Variants in GRM7 observed in about 807,000 individuals in gnomAD.
GRM7 encodes glutamate metabotropic receptor 7.
A neutral mutation model predicts 84.5 loss-of-function variants in GRM7; 35 were observed. The observed-to-expected ratio is 0.41, with a 90% CI of 0.32 to 0.55. The LOEUF (loss-of-function observed/expected upper bound fraction) is 0.55, where lower values mean the gene tolerates loss of function less well. Among genes scored for constraint, GRM7 ranks in the 20% least tolerant of loss-of-function variants. GRM7 has a pLI of 0.19. For missense variants in GRM7, 1,003 were observed against 1,194.6 expected (o/e 0.84, Z 2.36); for synonymous variants, 487 against 455.1 (o/e 1.07, Z -0.89).
In GRM7 at chr3:7,305,620, A is replaced by ATTTTGGT. The variant is rs1700167612; in HGVS notation, c.879-878_879-877insTTTTGGT. 5.0e-4 allele frequency among the ~76,000 whole-genome samples: 23 copies of ATTTTGGT among 45,640 alleles called. 7 individuals carry two copies. The highest frequency in any genetic ancestry group is 0.018 in the Middle Eastern group (1 of 56). The allele number at this position is 45,640 out of a possible 152,430, so 29.9% of individuals were successfully genotyped here. A position where few individuals can be genotyped will look rare whatever the true frequency, so the allele number is the denominator to read the frequency against. ...GTGTTTGGTTTTTTGTTCTTGCGAT[A>ATTTTGGT]GTTTACTGAGAATGATTTTTTTCTT... is the stretch of plus-strand genomic sequence containing the variant. On this transcript the variant is annotated intron_variant, in intron 3 of 9. Transcript: ENST00000357716.
intron 2 of GRM7, among the ~76,000 whole-genome samples, chr3:7,218,221 A>G (rs1696679476): frequency 6.6e-6 from 1 of 152,150 alleles, no homozygotes; most frequent in Admixed American, 6.5e-5. Context: ...TTTGAAAGTT[A>G]CTATAAAAAG....
At chr3:7,242,261 A>C (rs889930790) in intron 2 of GRM7, among the ~76,000 whole-genome samples, 3 of 152,196 alleles carry the variant, frequency 2.0e-5, no homozygotes, top group Non-Finnish European at 2.9e-5. Context: ...ATGGATTCAT[A>C]ATACGGGATT....
chr3:7,119,729 A>T (rs1421854114), intron 1 of GRM7, among the ~76,000 whole-genome samples: 1 of 152,148 alleles, frequency 6.6e-6, no homozygotes, highest in Non-Finnish European at 1.5e-5. Flanking sequence ...TTCCAGTTAG[A>T]ATTGGAAATT....
intron 7 of GRM7, among the ~76,000 whole-genome samples, chr3:7,550,976 C>A (rs1028466017): frequency 1.8e-4 from 27 of 152,238 alleles, no homozygotes; most frequent in African/African-American, 5.8e-4. Flanking sequence ...GGGTTAGAAT[C>A]CCCATTCATC....
chr3:7,302,885 T>G (rs2125028065), intron 3 of GRM7, among the ~76,000 whole-genome samples: 1 of 151,846 alleles, frequency 6.6e-6, no homozygotes, highest in South Asian at 2.1e-4. Flanking sequence ...GGATACATTA[T>G]CAAAGTGGTA....
chr3:7,362,344 A>G (rs1416858195), intron 4 of GRM7, among the ~76,000 whole-genome samples: 1 of 148,734 alleles, frequency 6.7e-6, no homozygotes, highest in Admixed American at 6.7e-5. Flanking sequence ...TAAAGAATAC[A>G]CACACACACA....
chr3:7,516,244 G>T (rs992473677), intron 7 of GRM7, among the ~76,000 whole-genome samples: 1 of 149,426 alleles, frequency 6.7e-6, no homozygotes, highest in Non-Finnish European at 1.5e-5. Context: ...AGCCGAAGCC[G>T]AGGCGGGCAG....
At chr3:7,012,033 T>A (rs1170164716) in intron 1 of GRM7, among the ~76,000 whole-genome samples, 2 of 148,846 alleles carry the variant, frequency 1.3e-5, no homozygotes, top group Non-Finnish European at 3.0e-5. Flanking sequence ...TGAATCAGAT[T>A]AAGCCTGCCT....
intron 1 of GRM7, among the ~76,000 whole-genome samples, chr3:6,876,816 G>C: frequency 6.6e-6 from 1 of 151,934 alleles, no homozygotes; most frequent in Non-Finnish European, 1.5e-5. Context: ...TGGCCAGGCT[G>C]GTCTCAAACT....
chr3:7,280,623 T>C (rs1699220958), intron 2 of GRM7, among the ~76,000 whole-genome samples: 1 of 152,220 alleles, frequency 6.6e-6, no homozygotes, highest in African/African-American at 2.4e-5. Context: ...AAGCACTTGA[T>C]ACAAAGCCCA....
intron 8 of GRM7, among the ~76,000 whole-genome samples, chr3:7,623,900 G>C (rs1027276630): frequency 6.6e-6 from 1 of 152,140 alleles, no homozygotes; most frequent in Non-Finnish European, 1.5e-5. Context: ...GAAGGGCAAT[G>C]TACAAAATTT....
chr3:7,070,436 CA>C (rs1241959458), intron 1 of GRM7, among the ~76,000 whole-genome samples: 1 of 152,006 alleles, frequency 6.6e-6, no homozygotes, highest in Non-Finnish European at 1.5e-5. Flanking sequence ...ATGCTAAAAA[CA>C]AAACTTTTTC....
chr3:7,095,155 A>C (rs1427414628), intron 1 of GRM7, among the ~76,000 whole-genome samples: 2 of 152,138 alleles, frequency 1.3e-5, no homozygotes, highest in African/African-American at 4.8e-5. Flanking sequence ...TGAAAGTAAA[A>C]GGACTTTTCA....
chr3:6,894,406 A>C (rs1442959270), intron 1 of GRM7, among the ~76,000 whole-genome samples: 1 of 152,166 alleles, frequency 6.6e-6, no homozygotes, highest in Non-Finnish European at 1.5e-5. Flanking sequence ...CTAATGAAAC[A>C]TGATTCTTTA....
At chr3:7,445,084 A>T (rs1170841504) in intron 5 of GRM7, among the ~76,000 whole-genome samples, 2 of 152,150 alleles carry the variant, frequency 1.3e-5, no homozygotes, top group Non-Finnish European at 2.9e-5. Context: ...TTTTCCACCC[A>T]AAGGGAAGTC....
chr3:7,130,512 C>T (rs890082730), intron 1 of GRM7, among the ~76,000 whole-genome samples: 1 of 148,018 alleles, frequency 6.8e-6, no homozygotes, highest in African/African-American at 2.5e-5. Context: ...CATTGCACTA[C>T]AACCCCAGTG....
intron 1 of GRM7, among the ~76,000 whole-genome samples, chr3:7,055,723 G>A (rs1697195577): frequency 6.6e-6 from 1 of 151,798 alleles, no homozygotes; most frequent in African/African-American, 2.4e-5. Flanking sequence ...ATTTCACCAT[G>A]TTTGCTACGC....
At chr3:7,726,014 T>TG (rs746348002) in intron 9 of GRM7, among the ~76,000 whole-genome samples, 2 of 152,096 alleles carry the variant, frequency 1.3e-5, no homozygotes, top group Non-Finnish European at 2.9e-5. Context: ...ACACATTGTG[T>TG]GGGGGAAAAA....
At chr3:7,208,958 G>A (rs895302526) in intron 2 of GRM7, among the ~76,000 whole-genome samples, 7 of 152,234 alleles carry the variant, frequency 4.6e-5, no homozygotes, top group Admixed American at 2.0e-4. Flanking sequence ...CTTGACTTAC[G>A]ATGGGATTAT....
Sources: gnomAD v4.1 joint callset for allele counts (sites outside exome capture counted in the v4.1 genomes callset) on GRCh38, gnomAD v4.1.1 for gene constraint, MANE v1.5 for transcripts, NCBI Gene and HGNC (gene_info 2026-07-23, HGNC 2026-07-21) for gene names.